The following TRDN variants were observed in gnomAD, a reference collection of about 807,000 sequenced individuals.
The protein encoded by TRDN is triadin.
A neutral mutation model predicts 149.7 loss-of-function variants in TRDN; 161 were observed. The observed-to-expected ratio is 1.08, with a 90% CI of 0.95 to 1.23. The LOEUF (loss-of-function observed/expected upper bound fraction) is 1.23, where lower values mean the gene tolerates loss of function less well. Among genes scored for constraint, TRDN ranks in the 50% most tolerant of loss-of-function variants. TRDN has a pLI of 0.00. For missense variants in TRDN, 896 were observed against 823.5 expected (o/e 1.09, Z -1.08); for synonymous variants, 294 against 250.5 (o/e 1.17, Z -1.64).
chr6:123,230,938 T>C (rs968078947), intron 38 of TRDN, among the ~76,000 whole-genome samples: 1 of 152,022 alleles, frequency 6.6e-6, no homozygotes, highest in African/African-American at 2.4e-5. Flanking sequence ...TACTAGATTT[T>C]ACACATGTGT....
intron 1 of TRDN, among the ~76,000 whole-genome samples, chr6:123,590,250 C>G (rs114322624): frequency 1.3e-5 from 2 of 152,166 alleles, no homozygotes; most frequent in African/African-American, 4.8e-5. Flanking sequence ...TCAGCAGCGG[C>G]ATTAGATTCT....
intron 6 of TRDN, among the ~76,000 whole-genome samples, chr6:123,514,910 C>A (rs562808289): frequency 6.6e-6 from 1 of 151,596 alleles, no homozygotes; most frequent in Non-Finnish European, 1.5e-5. Context: ...GGTAACATCA[C>A]ACACTGGGGC....
chr6:123,381,991 A>G (rs1489341439), intron 15 of TRDN, 127 bp downstream of exon 15: 5 of 353,312 alleles, frequency 1.4e-5, no homozygotes, highest in Non-Finnish European at 2.1e-5. Flanking sequence ...CTCTCTCTCA[A>G]TCTCAATCAT....
intron 1 of TRDN, among the ~76,000 whole-genome samples, chr6:123,613,971 G>T (rs1241971289): frequency 6.6e-6 from 1 of 152,022 alleles, no homozygotes; most frequent in African/African-American, 2.4e-5. Context: ...ATTCATTTCA[G>T]TTGAAACCTA....
intron 31 of TRDN, 41 bp from the exon 32 acceptor site, chr6:123,267,792 C>A: frequency 6.7e-7 from 1 of 1,487,164 alleles, no homozygotes; most frequent in Non-Finnish European, 9.1e-7. Flanking sequence ...TCTGTGGATT[C>A]TTTGGCAAAT....
chr6:123,546,647 A>T (rs1781127606), intron 4 of TRDN, among the ~76,000 whole-genome samples: 2 of 152,050 alleles, frequency 1.3e-5, no homozygotes. Flanking sequence ...TTCCAGATGC[A>T]GTTCCTACCC....
At chr6:123,363,874 C>T (rs927851847) in intron 20 of TRDN, among the ~76,000 whole-genome samples, 13 of 152,130 alleles carry the variant, frequency 8.5e-5, no homozygotes, top group African/African-American at 2.9e-4. Flanking sequence ...TTGAGTTTGG[C>T]GTAGAGGTTT....
Position 123,531,252 on chromosome 6 carries a change from G to A in TRDN, c.425-687C>T, listed in dbSNP as rs143323833. ...TTGGATAGAAGTGAATTTGAGATTA[G>A]AGTTTACAAATATGATTGCTACCTT... On this transcript the variant is annotated intron_variant, in intron 4 of 40. Coordinates refer to ENST00000334268, the MANE Select transcript of TRDN (RefSeq NM_006073.4). 2.5e-4 allele frequency among the ~76,000 whole-genome samples: 38 copies of A among 152,094 alleles called. No homozygotes were observed. The East Asian group carries it at 7.2e-3, about 29-fold the overall frequency.
At chr6:123,302,083 TTA>T (rs888987160) in intron 24 of TRDN, among the ~76,000 whole-genome samples, 2 of 150,854 alleles carry the variant, frequency 1.3e-5, no homozygotes, top group African/African-American at 4.8e-5. Context: ...ATATTATATT[TTA>T]TATATATATG....
intron 29 of TRDN, among the ~76,000 whole-genome samples, 174 bp downstream of exon 29, chr6:123,272,790 T>C (rs1326966056): frequency 1.3e-5 from 2 of 151,756 alleles, no homozygotes; most frequent in Admixed American, 6.6e-5. Flanking sequence ...CTGGTTAAGT[T>C]CTCAGCACAA....
chr6:123,337,791 A>G (rs1779928303), intron 21 of TRDN, 122 bp from the exon 22 acceptor site: 10 of 529,898 alleles, frequency 1.9e-5, no homozygotes, highest in Non-Finnish European at 3.0e-5. Flanking sequence ...TGATATTCAC[A>G]ATACAAATGT....
intron 4 of TRDN, among the ~76,000 whole-genome samples, chr6:123,542,403 A>G (rs1318816544): frequency 6.6e-6 from 1 of 152,198 alleles, no homozygotes; most frequent in Admixed American, 6.5e-5. Flanking sequence ...CCTGTCCAAA[A>G]AACTAAATAT....
At chr6:123,369,900 T>C (rs1055860528) in intron 19 of TRDN, among the ~76,000 whole-genome samples, 7 of 152,152 alleles carry the variant, frequency 4.6e-5, no homozygotes, top group Non-Finnish European at 8.8e-5. Context: ...TTTCACAATG[T>C]CTCATGTCAC....
intron 21 of TRDN, among the ~76,000 whole-genome samples, chr6:123,342,422 AG>A (rs1033731442): frequency 2.6e-5 from 4 of 151,842 alleles, no homozygotes; most frequent in Non-Finnish European, 5.9e-5. Context: ...AAGATGTCAA[AG>A]CTTCCATGTT....
intron 1 of TRDN, among the ~76,000 whole-genome samples, chr6:123,628,407 A>T (rs1785788868): frequency 6.6e-6 from 1 of 152,118 alleles, no homozygotes; most frequent in Non-Finnish European, 1.5e-5. Flanking sequence ...TCACCATCTT[A>T]TATAGGGGCA....
chr6:123,613,112 T>G (rs887003759), intron 1 of TRDN, among the ~76,000 whole-genome samples: 1 of 152,198 alleles, frequency 6.6e-6, no homozygotes, highest in Non-Finnish European at 1.5e-5. Flanking sequence ...AAAGGACGAC[T>G]GCATCATCCT....
intron 24 of TRDN, among the ~76,000 whole-genome samples, chr6:123,302,439 G>A (rs1358677492): frequency 6.6e-6 from 1 of 152,094 alleles, no homozygotes; most frequent in Non-Finnish European, 1.5e-5. Flanking sequence ...TAAAGGGACA[G>A]TTGTCTTCTT....
intron 1 of TRDN, among the ~76,000 whole-genome samples, chr6:123,633,537 A>T (rs59364689): frequency 0.061 from 8,595 of 140,440 alleles, 300 homozygotes; most frequent in African/African-American, 0.1. Flanking sequence ...GGCCCTGAAG[A>T]TTAAATGAAT....
chr6:123,299,348 T>C (rs1315355682), intron 24 of TRDN, among the ~76,000 whole-genome samples: 1 of 152,054 alleles, frequency 6.6e-6, no homozygotes, highest in African/African-American at 2.4e-5. Flanking sequence ...GGAACCATTA[T>C]TTGTCTCAGG....
Sources: allele counts gnomAD v4.1 joint callset (sites outside exome capture counted in the v4.1 genomes callset), GRCh38; gene constraint gnomAD v4.1.1; transcripts MANE v1.5; gene names NCBI Gene and HGNC (gene_info 2026-07-23, HGNC 2026-07-21).